Variants in CDYL2 observed in about 807,000 individuals in gnomAD.
CDYL2 encodes chromodomain Y like 2, also known as chromodomain Y-like protein 2.
Under a neutral mutation model 49.4 loss-of-function variants are expected in CDYL2, and 23 were observed. The ratio of observed to expected loss-of-function variants is 0.47; its 90% CI spans 0.34 to 0.66. The LOEUF is 0.66. Ranked by LOEUF, CDYL2 falls within the 30% of genes least tolerant of loss-of-function variation. The probability of loss-of-function intolerance (pLI) is 0.01; values close to 1 mark genes in which losing one functional copy is unlikely to be tolerated. For missense variants in CDYL2, 678 were observed against 656.4 expected (o/e 1.03, Z -0.36); for synonymous variants, 360 against 268.8 (o/e 1.34, Z -3.32).
intron 1 of CDYL2, among the ~76,000 whole-genome samples, chr16:80,799,427 A>G (rs1037350534): frequency 3.9e-5 from 6 of 152,180 alleles, no homozygotes; most frequent in African/African-American, 1.2e-4. Context: ...CGTGATCATC[A>G]TTGTTCCCCA....
At position 80,685,254 on chromosome 16, in the gene CDYL2, C is replaced by T. The variant is rs1447804687; in HGVS notation, c.25-125G>A. 57 of 715,926 alleles carry T rather than the reference C, an allele frequency of 8.0e-5. 1 individual carries two copies. In the Admixed American group the frequency reaches 8.0e-4, roughly 10 times the overall value. 44.3% of individuals were successfully genotyped at this position (715,926 alleles called of 1,614,324 possible). ...TCTACCCTAGCCAGGGGGTGAGCCA[C>T]GAGCCATTCAATGCCAGAAGCCAAC... On this transcript the variant is annotated intron_variant, in intron 1 of 6. Transcript: ENST00000570137.
intron 1 of CDYL2, among the ~76,000 whole-genome samples, chr16:80,727,909 TAACA>T (rs1376548344): frequency 6.6e-6 from 1 of 151,994 alleles, no homozygotes; most frequent in African/African-American, 2.4e-5. Flanking sequence ...GAAGGAAAAC[TAACA>T]AACAGAAAGG....
chr16:80,612,528 C>A lies in CDYL2; in HGVS notation c.1218+98G>T. ...GCAGCCAAGCCAATCTGCAGGCTGACAACACCCTCAGGTTTCTAGCCCCAT... is the reference window on the plus strand; with the variant it reads ...GCAGCCAAGCCAATCTGCAGGCTGAAAACACCCTCAGGTTTCTAGCCCCAT... On this transcript the variant is annotated intron_variant, in intron 5 of 6. Coordinates refer to ENST00000570137, the MANE Select transcript of CDYL2 (RefSeq NM_152342.4). The surrounding 1 kb of genome is among the most constrained non-coding windows in gnomAD (Gnocchi z 5.0). The A allele has an allele frequency of 8.0e-7, 1 of 1,248,906 alleles. No homozygotes were observed. Among genetic ancestry groups the A allele is most frequent in the African/African-American group, 1.5e-5 (1 of 66,418 alleles). The allele number at this position is 1,248,906 out of a possible 1,614,324, so 77.4% of individuals were successfully genotyped here. A position where few individuals can be genotyped will look rare whatever the true frequency, so the allele number is the denominator to read the frequency against.
chr16:80,684,548 C>T lies in CDYL2; in HGVS notation c.606G>A (p.Glu202=). The T allele has an allele frequency of 6.2e-7, 1 of 1,611,868 alleles. No individual in the cohort carries two copies. The highest frequency in any genetic ancestry group is 8.5e-7 in the Non-Finnish European group (1 of 1,178,420). The change falls in exon 2 of 7, where the codon GAG becomes GAA. Residue 202 remains glutamate, a synonymous_variant. Transcript: ENST00000570137. ...ECDVNHATLA[E]NGLGSALTNG... ...AGAAAAGCTACAAACCGAGCCCGTT[C>T]TCCGCCAGTGTAGCGTGATTCACGT...
chr16:80,775,491 T>C (rs141553772), intron 1 of CDYL2, among the ~76,000 whole-genome samples: 3 of 151,688 alleles, frequency 2.0e-5, no homozygotes, highest in East Asian at 3.9e-4. Flanking sequence ...TAGACATTGG[T>C]AGAAAAAAAT....
intron 1 of CDYL2, among the ~76,000 whole-genome samples, chr16:80,692,157 G>A (rs1431162134): frequency 2.6e-5 from 4 of 152,276 alleles, no homozygotes; most frequent in Middle Eastern, 3.4e-3. Flanking sequence ...AGAAATCTAC[G>A]TCCTAAGTCT....
At chr16:80,608,477 G>T (rs1199266835) in intron 5 of CDYL2, among the ~76,000 whole-genome samples, 2 of 152,180 alleles carry the variant, frequency 1.3e-5, no homozygotes, top group Non-Finnish European at 2.9e-5. Context: ...CTGTGACTCT[G>T]TATGCCCCAC....
In CDYL2 at chr16:80,684,805, T is replaced by C. The variant is rs1281382162; in HGVS notation, c.349A>G (p.Lys117Glu). The change falls in exon 2 of 7, where the codon AAA becomes GAA. Residue 117 changes from lysine (K) to glutamate (E), a missense_variant. Lys to Glu is a moderately conservative substitution (Grantham distance 56). This residue lies in a region of CDYL2 where 478 missense variants were observed against 427.0 expected (regional missense o/e 1.12). Coordinates refer to ENST00000570137, the MANE Select transcript of CDYL2 (RefSeq NM_152342.4). ...KRINPPLAKP[K>E]KGYSGKPSSG... ...GAGGGCTTGCCTGAATACCCTTTTTTTGGCTTGGCCAGGGGAGGGTTAATT... is the reference window on the plus strand; with the variant it reads ...GAGGGCTTGCCTGAATACCCTTTTTCTGGCTTGGCCAGGGGAGGGTTAATT... The C allele has an allele frequency of 6.2e-7, 1 of 1,614,206 alleles. No individual in the cohort carries two copies. The highest frequency in any genetic ancestry group is 8.5e-7 in the Non-Finnish European group (1 of 1,180,038).
At chr16:80,640,355 G>A (rs970539445) in intron 2 of CDYL2, among the ~76,000 whole-genome samples, 3 of 152,124 alleles carry the variant, frequency 2.0e-5, no homozygotes, top group Admixed American at 6.5e-5. Context: ...TGCCTTCAAG[G>A]GAAGGATCCC....
intron 2 of CDYL2, among the ~76,000 whole-genome samples, chr16:80,676,629 A>G (rs1369812620): frequency 2.0e-5 from 3 of 152,212 alleles, no homozygotes; most frequent in Non-Finnish European, 4.4e-5. Flanking sequence ...CGTAGTTTTG[A>G]GGAAGTATCA....
At chr16:80,627,783 C>CA (rs993099542) in intron 3 of CDYL2, 2 of 152,230 alleles carry the variant, frequency 1.3e-5, no homozygotes, top group African/African-American at 4.8e-5. Context: ...GATTCTATAA[C>CA]AAATAGTCCC....
intron 1 of CDYL2, among the ~76,000 whole-genome samples, chr16:80,701,018 G>C (rs1171633263): frequency 6.6e-6 from 1 of 152,160 alleles, no homozygotes; most frequent in Non-Finnish European, 1.5e-5. Context: ...AAACACTGTT[G>C]GACAGGTAGC....
intron 3 of CDYL2, among the ~76,000 whole-genome samples, chr16:80,623,192 G>A (rs969496166): frequency 6.6e-6 from 1 of 152,062 alleles, no homozygotes; most frequent in Non-Finnish European, 1.5e-5. Flanking sequence ...TAAAGCCCCA[G>A]CCCCGACGTA....
chr16:80,664,580 CTCTT>C (rs1398577780), intron 2 of CDYL2, among the ~76,000 whole-genome samples: 1 of 152,212 alleles, frequency 6.6e-6, no homozygotes, highest in Non-Finnish European at 1.5e-5. Flanking sequence ...AAGCAAATGC[CTCTT>C]TAAGTGAACT....
chr16:80,612,871 C>G lies in CDYL2; in HGVS notation c.1008-35G>C, dbSNP rs746768474. 6.5e-7 allele frequency: 1 copy of G among 1,548,456 alleles called. No individual in the cohort carries two copies. The highest frequency in any genetic ancestry group is 1.4e-5 in the African/African-American group (1 of 73,226). ...AAAGAAGATCCTCTTGAACAGGTGA[C>G]TATAGCATGCTAAGCCCCACTGGAA... On this transcript the variant is annotated intron_variant, in intron 4 of 6. Transcript: ENST00000570137. The surrounding 1 kb of genome is among the most constrained non-coding windows in gnomAD (Gnocchi z 5.0).
intron 2 of CDYL2, among the ~76,000 whole-genome samples, chr16:80,636,414 T>A (rs1053885122): frequency 2.0e-5 from 3 of 151,874 alleles, no homozygotes; most frequent in African/African-American, 7.3e-5. Flanking sequence ...TGAACAGACA[T>A]TTCTCAAGAA....
upstream of CDYL2, among the ~76,000 whole-genome samples, chr16:80,804,929 G>A (rs887551820): frequency 3.9e-5 from 6 of 152,042 alleles, no homozygotes; most frequent in African/African-American, 1.4e-4. Flanking sequence ...GGGAGTGGAC[G>A]CCGCCTGGGA....
intron 1 of CDYL2, among the ~76,000 whole-genome samples, chr16:80,749,585 C>G (rs1278449460): frequency 2.0e-5 from 3 of 152,030 alleles, no homozygotes; most frequent in African/African-American, 7.2e-5. Context: ...CTCAGACACC[C>G]CAATAACTAA....
intron 1 of CDYL2, among the ~76,000 whole-genome samples, chr16:80,729,074 T>G (rs904092732): frequency 1.3e-5 from 2 of 151,646 alleles, no homozygotes; most frequent in African/African-American, 4.9e-5. Context: ...AACATCATAA[T>G]GACAGGTTCA....
Sources: allele counts gnomAD v4.1 joint callset (sites outside exome capture counted in the v4.1 genomes callset), GRCh38; gene constraint gnomAD v4.1.1; regional missense constraint gnomAD v4.1.1; non-coding constraint Gnocchi (gnomAD v3.1); transcripts MANE v1.5; gene names NCBI Gene and HGNC (gene_info 2026-07-23, HGNC 2026-07-21).